Variants in ARHGAP44 observed in about 807,000 individuals in gnomAD.
ARHGAP44 encodes the protein Rho GTPase activating protein 44.
ARHGAP44 carries 43 observed loss-of-function variants against 106.8 expected under a neutral mutation model. The observed-to-expected ratio is 0.40, with a 90% confidence interval of 0.32 to 0.52. The LOEUF is 0.52. Ranked by LOEUF, ARHGAP44 falls within the 20% of genes least tolerant of loss-of-function variation. The pLI, the probability that ARHGAP44 is intolerant of heterozygous loss-of-function variation, is 0.48. For synonymous variants in ARHGAP44, 439 were observed against 410.3 expected (o/e 1.07, Z -0.85); for missense variants, 866 against 1,050.5 (o/e 0.82, Z 2.43).
chr17:12,790,045 C>T (rs1305197139), intron 1 of ARHGAP44, 154 bp downstream of exon 1: 1 of 642,890 alleles, frequency 1.6e-6, no homozygotes, highest in Non-Finnish European at 2.4e-6. Flanking sequence ...CAGGCGCGAC[C>T]CCTCCTCCCT....
intron 6 of ARHGAP44, among the ~76,000 whole-genome samples, chr17:12,926,504 T>C (rs1368615329): frequency 3.5e-5 from 5 of 143,732 alleles, no homozygotes; most frequent in Non-Finnish European, 4.6e-5. Flanking sequence ...TATATGTATA[T>C]ATATTATATA....
At position 12,990,132 on chromosome 17, in the gene ARHGAP44, G is replaced by C. The variant is rs760690525; in HGVS notation, c.2418G>C (p.Lys806Asn). The C allele has an allele frequency of 1.2e-6, 2 of 1,613,304 alleles. No homozygotes were observed. Among genetic ancestry groups the C allele is most frequent in the East Asian group, 4.5e-5 (2 of 44,508 alleles). Residue 806 changes from lysine to asparagine, a missense_variant, in exon 21 of 21, where the codon AAG becomes AAC. Lys to Asn is a moderately conservative substitution (Grantham distance 94). This residue lies in a region of ARHGAP44 where 418 missense variants were observed against 403.6 expected (regional missense o/e 1.04). Transcript: ENST00000379672. ...TGCGGCGACACTCAGTAACTGACAAGAGGGACTCGGAGGAGGAGTCTGAGA... is the reference window on the plus strand; with the variant it reads ...TGCGGCGACACTCAGTAACTGACAACAGGGACTCGGAGGAGGAGTCTGAGA... ...EHMRRHSVTD[K>N]RDSEEESEST...
intron 16 of ARHGAP44, among the ~76,000 whole-genome samples, chr17:12,964,049 ACT>A (rs1197128534): frequency 1.3e-5 from 2 of 152,158 alleles, no homozygotes; most frequent in African/African-American, 2.4e-5. Context: ...CTCCACCAAC[ACT>A]CTGAGCAACA....
intron 1 of ARHGAP44, among the ~76,000 whole-genome samples, chr17:12,879,105 A>G (rs574782686): frequency 6.6e-6 from 1 of 152,118 alleles, no homozygotes; most frequent in East Asian, 1.9e-4. Flanking sequence ...CACTGTACCC[A>G]ATGTGTAGTC....
At chr17:12,948,297 C>T (rs1274668220) in intron 10 of ARHGAP44, among the ~76,000 whole-genome samples, 1 of 152,158 alleles carries the variant, frequency 6.6e-6, no homozygotes, top group African/African-American at 2.4e-5. Context: ...GAACGGAATG[C>T]AGAGGAATGG....
intron 1 of ARHGAP44, among the ~76,000 whole-genome samples, chr17:12,830,123 G>A (rs1269413037): frequency 6.6e-6 from 1 of 152,116 alleles, no homozygotes; most frequent in Non-Finnish European, 1.5e-5. Context: ...GGATTGCAAG[G>A]GGATTGAAGC....
chr17:12,861,114 C>T (rs2036059371), intron 1 of ARHGAP44, among the ~76,000 whole-genome samples: 1 of 152,108 alleles, frequency 6.6e-6, no homozygotes, highest in Admixed American at 6.5e-5. Flanking sequence ...CCTCGCCCTC[C>T]CAAAGTGTTG....
At chr17:12,808,718 G>A (rs535201864) in intron 1 of ARHGAP44, among the ~76,000 whole-genome samples, 59 of 152,296 alleles carry the variant, frequency 3.9e-4, no homozygotes, top group African/African-American at 1.3e-3. Flanking sequence ...CCTCTGATAT[G>A]CCCTGGGGAC....
chr17:12,791,029 C>A (rs1428305288), intron 1 of ARHGAP44, among the ~76,000 whole-genome samples: 1 of 152,054 alleles, frequency 6.6e-6, no homozygotes, highest in Non-Finnish European at 1.5e-5. Context: ...GAACTGGCAT[C>A]TGGTAGGATG....
chr17:12,890,110 T>G (rs1397803429), intron 1 of ARHGAP44, among the ~76,000 whole-genome samples: 1 of 152,108 alleles, frequency 6.6e-6, no homozygotes, highest in East Asian at 1.9e-4. Flanking sequence ...GGGGCAGCCC[T>G]GTCCCCATGG....
chr17:12,825,724 G>A (rs1001495851), intron 1 of ARHGAP44, among the ~76,000 whole-genome samples: 5 of 152,122 alleles, frequency 3.3e-5, no homozygotes, highest in Non-Finnish European at 7.4e-5. Flanking sequence ...TTCACAGTGA[G>A]ATCTAGACTG....
At chr17:12,836,070 G>C (rs1355097461) in intron 1 of ARHGAP44, among the ~76,000 whole-genome samples, 1 of 152,010 alleles carries the variant, frequency 6.6e-6, no homozygotes, top group African/African-American at 2.4e-5. Flanking sequence ...TCCATCTTTT[G>C]TCTATTGTGA....
chr17:12,789,713 C>G lies in ARHGAP44; in HGVS notation c.-126C>G. The G allele has an allele frequency of 1.2e-6, 1 of 832,108 alleles. No homozygotes were observed. The highest frequency in any genetic ancestry group is 4.0e-4 in the Middle Eastern group (1 of 2,508). The allele number at this position is 832,108 out of a possible 1,614,324, so 51.5% of individuals were successfully genotyped here. On this transcript the variant is annotated 5_prime_UTR_variant, in exon 1 of 21. Transcript: ENST00000379672. ...AGCTGCGCGCGGGCCAGACGGCGCC[C>G]GGAGGCTCCGCAGTGCCGCCGCCGT...
intron 1 of ARHGAP44, among the ~76,000 whole-genome samples, chr17:12,859,492 C>T (rs1300719200): frequency 6.6e-6 from 1 of 152,216 alleles, no homozygotes; most frequent in Non-Finnish European, 1.5e-5. Context: ...GCCATCTTCT[C>T]ATCATCACTT....
chr17:12,939,882 A>G (rs1247177264), intron 7 of ARHGAP44, among the ~76,000 whole-genome samples: 1 of 152,226 alleles, frequency 6.6e-6, no homozygotes, highest in Non-Finnish European at 1.5e-5. Context: ...TCACTCTGTG[A>G]GTCTGTTCTG....
intron 2 of ARHGAP44, 93 bp downstream of exon 2, chr17:12,895,072 A>C: frequency 8.0e-7 from 1 of 1,251,088 alleles, no homozygotes; most frequent in Non-Finnish European, 1.1e-6. Context: ...TGGAGGTTGT[A>C]GTTAGCCGGG....
chr17:12,830,899 G>A (rs1355328979), intron 1 of ARHGAP44, among the ~76,000 whole-genome samples: 1 of 152,196 alleles, frequency 6.6e-6, no homozygotes, highest in Non-Finnish European at 1.5e-5. Flanking sequence ...AGTTAAGGTT[G>A]TTTAAAGGGA....
At chr17:12,823,356 C>T (rs573127738) in intron 1 of ARHGAP44, among the ~76,000 whole-genome samples, 18 of 152,256 alleles carry the variant, frequency 1.2e-4, no homozygotes, top group African/African-American at 4.1e-4. Flanking sequence ...TTCTCCAGAA[C>T]GATAGTATTT....
rs1417307080 is a variant in ARHGAP44, at chr17:12,841,594, T to TCTCTCTCTCTCTCACACACA, written c.53+51704_53+51705insTCTCTCTCTCTCACACACAC. Among the ~76,000 whole-genome samples, 78 of 126,558 alleles carry TCTCTCTCTCTCTCACACACA rather than the reference T, an allele frequency of 6.2e-4. 1 individual carries two copies. The highest frequency in any genetic ancestry group is 3.2e-3 in the South Asian group (12 of 3,704). 83.0% of individuals were successfully genotyped at this position (126,558 alleles called of 152,430 possible). ...GAGACCCTGTCTCTCTGTCTCTCTC[T>TCTCTCTCTCTCTCACACACA]CACACACACACACACACACACACAC... On this transcript the variant is annotated intron_variant, in intron 1 of 20. Transcript: ENST00000379672.
Sources: allele counts gnomAD v4.1 joint callset (sites outside exome capture counted in the v4.1 genomes callset), GRCh38; gene constraint gnomAD v4.1.1; regional missense constraint gnomAD v4.1.1; transcripts MANE v1.5; gene names NCBI Gene and HGNC (gene_info 2026-07-23, HGNC 2026-07-21).